Variants in CDH18 observed in about 807,000 individuals in gnomAD.
CDH18 encodes cadherin 18.
CDH18 carries 31 observed loss-of-function variants against 67.9 expected under a neutral mutation model. That is an observed-to-expected ratio of 0.46 (90% CI 0.34 to 0.62). The LOEUF (loss-of-function observed/expected upper bound fraction) is 0.62, where lower values mean the gene tolerates loss of function less well. Among genes scored for constraint, CDH18 ranks in the 20% least tolerant of loss-of-function variants. The pLI is 0.01. For synonymous variants in CDH18, 362 were observed against 347.2 expected (o/e 1.04, Z -0.48); for missense variants, 890 against 975.5 (o/e 0.91, Z 1.17).
intron 10 of CDH18, among the ~76,000 whole-genome samples, chr5:19,508,374 T>C (rs1321222105): frequency 2.0e-5 from 3 of 152,146 alleles, no homozygotes; most frequent in Non-Finnish European, 2.9e-5. Flanking sequence ...CTGTGTTACC[T>C]TGCTATTTCT....
At chr5:19,583,852 G>A (rs1322505205) in intron 7 of CDH18, among the ~76,000 whole-genome samples, 6 of 152,144 alleles carry the variant, frequency 3.9e-5, no homozygotes, top group Non-Finnish European at 4.4e-5. Context: ...TCATTTTACA[G>A]TAAGGTTATA....
chr5:19,765,942 T>C (rs1581249974), intron 3 of CDH18, among the ~76,000 whole-genome samples: 1 of 151,922 alleles, frequency 6.6e-6, no homozygotes, highest in Non-Finnish European at 1.5e-5. Context: ...TGCAATGACA[T>C]GAACTCGGCT....
intron 2 of CDH18, among the ~76,000 whole-genome samples, chr5:19,869,340 T>A (rs1339396895): frequency 1.3e-5 from 2 of 152,124 alleles, no homozygotes; most frequent in Non-Finnish European, 2.9e-5. Flanking sequence ...ACAGATTTGG[T>A]ACACAGTTTT....
Position 20,374,539 on chromosome 5 carries a change from TTC to T in CDH18, c.-579-119036_-579-119035del. ...CAAAATATTGTAAAGGCTGAAACAT[TTC>T]TCTTATTTTACAGTAGAATCACTGA... is the stretch of plus-strand genomic sequence containing the variant. On this transcript the variant is annotated intron_variant, in intron 1 of 14. Coordinates refer to the CDH18 transcript ENST00000507958. 2.6e-5 allele frequency among the ~76,000 whole-genome samples: 4 copies of T among 152,268 alleles called. No individual in the cohort carries two copies. The South Asian group carries it at 8.3e-4, about 32-fold the overall frequency.
chr5:20,033,830 ACAT>A (rs551549334), intron 2 of CDH18, among the ~76,000 whole-genome samples: 119 of 152,152 alleles, frequency 7.8e-4, no homozygotes, highest in South Asian at 2.7e-3. Context: ...TTACAAATGA[ACAT>A]CAGTTATTTA....
intron 9 of CDH18, among the ~76,000 whole-genome samples, chr5:19,541,398 T>C (rs1750253480): frequency 6.6e-6 from 1 of 152,110 alleles, no homozygotes; most frequent in Admixed American, 6.5e-5. Flanking sequence ...AACTTCTGAC[T>C]GTTACCCGAT....
intron 1 of CDH18, chr5:20,304,617 A>G: frequency 6.2e-7 from 1 of 1,612,012 alleles, no homozygotes; most frequent in South Asian, 1.1e-5. Context: ...AAACAGAGCT[A>G]TCAACTTTCT....
intron 8 of CDH18, among the ~76,000 whole-genome samples, chr5:19,549,793 GAAGAAAGAAA>G (rs1321019531): frequency 3.1e-4 from 34 of 109,964 alleles, no homozygotes; most frequent in Middle Eastern, 5.4e-3. Context: ...AGAAAGAAAG[GAAGAAAGAAA>G]AAGAAAGAAA....
chr5:19,687,275 T>C (rs1206117111), intron 5 of CDH18, among the ~76,000 whole-genome samples: 1 of 152,098 alleles, frequency 6.6e-6, no homozygotes, highest in East Asian at 1.9e-4. Flanking sequence ...AGATAAGAAG[T>C]TGCATCCCAG....
chr5:19,766,541 G>T (rs1439546681), intron 3 of CDH18, among the ~76,000 whole-genome samples: 2 of 151,976 alleles, frequency 1.3e-5, no homozygotes, highest in African/African-American at 4.8e-5. Context: ...CATTCACCCT[G>T]CTTGTCAATG....
intron 1 of CDH18, among the ~76,000 whole-genome samples, chr5:20,537,808 T>C (rs1756813619): frequency 6.6e-6 from 1 of 152,170 alleles, no homozygotes; most frequent in South Asian, 2.1e-4. Flanking sequence ...AAAATTTCTA[T>C]CTTTGGGAAA....
chr5:20,081,279 C>G (rs1450225114), intron 2 of CDH18, among the ~76,000 whole-genome samples: 2 of 152,136 alleles, frequency 1.3e-5, no homozygotes, highest in Non-Finnish European at 2.9e-5. Flanking sequence ...TATGATACCT[C>G]AAGTCTGAAT....
At chr5:19,933,354 C>T (rs1793911825) in intron 2 of CDH18, among the ~76,000 whole-genome samples, 1 of 151,400 alleles carries the variant, frequency 6.6e-6, no homozygotes, top group Non-Finnish European at 1.5e-5. Flanking sequence ...CATTAAGTTC[C>T]ATTTCACTTA....
chr5:20,407,470 T>G (rs1469222422), intron 1 of CDH18, among the ~76,000 whole-genome samples: 1 of 148,298 alleles, frequency 6.7e-6, no homozygotes, highest in Non-Finnish European at 1.5e-5. Flanking sequence ...AGGTGATAGA[T>G]TTTTCTAATG....
intron 1 of CDH18, among the ~76,000 whole-genome samples, chr5:20,555,765 G>T (rs1324953858): frequency 2.0e-5 from 3 of 150,032 alleles, no homozygotes; most frequent in African/African-American, 7.3e-5. Flanking sequence ...TTTTCCTTCA[G>T]GCCCTGATTA....
chr5:20,498,683 A>G (rs1754057390), intron 1 of CDH18, among the ~76,000 whole-genome samples: 1 of 152,060 alleles, frequency 6.6e-6, no homozygotes, highest in Non-Finnish European at 1.5e-5. Context: ...TAAATTTTAA[A>G]ACTGTTCTTA....
chr5:19,878,432 G>A (rs1481942454), intron 2 of CDH18, among the ~76,000 whole-genome samples: 1 of 152,064 alleles, frequency 6.6e-6, no homozygotes, highest in Non-Finnish European at 1.5e-5. Flanking sequence ...TTAGGCAATA[G>A]ATCTTTTCAT....
At chr5:19,811,166 GAA>G (rs1778695580) in intron 3 of CDH18, among the ~76,000 whole-genome samples, 1 of 135,494 alleles carries the variant, frequency 7.4e-6, no homozygotes, top group Admixed American at 7.6e-5. Context: ...AAGAAGGAGA[GAA>G]AGAAAGAGAA....
At chr5:19,848,169 T>C (rs1218275638) in intron 2 of CDH18, 1 of 152,194 alleles carries the variant, frequency 6.6e-6, no homozygotes, top group East Asian at 1.9e-4. Context: ...AATTTTCTCA[T>C]GAGCCATTAG....
Sources: allele counts gnomAD v4.1 joint callset (sites outside exome capture counted in the v4.1 genomes callset), GRCh38; gene constraint gnomAD v4.1.1; transcripts MANE v1.5; gene names NCBI Gene and HGNC (gene_info 2026-07-23, HGNC 2026-07-21).